The following UPB1 variants were observed in gnomAD, a reference collection of about 807,000 sequenced individuals.
UPB1 encodes the protein beta-ureidopropionase.
UPB1 carries 40 observed loss-of-function variants against 49.1 expected under a neutral mutation model. The ratio of observed to expected loss-of-function variants is 0.81; its 90% CI spans 0.63 to 1.06. The LOEUF (loss-of-function observed/expected upper bound fraction) is 1.06, where lower values mean the gene tolerates loss of function less well. Among genes scored for constraint, UPB1 ranks in the 50% least tolerant of loss-of-function variants. The pLI is 0.00. For missense variants in UPB1, 499 were observed against 505.9 expected, an observed-to-expected ratio of 0.99 and a Z score of 0.13; for synonymous variants, 207 against 198.2, an observed-to-expected ratio of 1.04 and a Z score of -0.38.
chr22:24,521,764 C>T (rs1055285425), intron 7 of UPB1, among the ~76,000 whole-genome samples: 4 of 152,164 alleles, frequency 2.6e-5, no homozygotes, highest in Non-Finnish European at 4.4e-5. Flanking sequence ...GTTTTTACCC[C>T]GCTTGTCAAA....
chr22:24,515,744 A>G (rs140333), intron 6 of UPB1, among the ~76,000 whole-genome samples: 91,724 of 151,998 alleles, frequency 0.6, 28,010 homozygotes, highest in African/African-American at 0.68. Flanking sequence ...GGGAGGCCGA[A>G]GCAGGTGGAT....
chr22:24,506,195 A>T (rs1317106897), intron 3 of UPB1, among the ~76,000 whole-genome samples: 2 of 149,910 alleles, frequency 1.3e-5, no homozygotes, highest in Non-Finnish European at 3.0e-5. Context: ...TAATTTTTGT[A>T]TTTTTAGTAG....
At chr22:24,516,246 A>G (rs1364317509) in intron 6 of UPB1, among the ~76,000 whole-genome samples, 2 of 152,060 alleles carry the variant, frequency 1.3e-5, no homozygotes, top group Non-Finnish European at 2.9e-5. Flanking sequence ...TGTTAGCCTC[A>G]CCCCTAAACA....
intron 9 of UPB1, 117 bp from the exon 10 acceptor site, chr22:24,525,594 C>G (rs1211207631): frequency 1.7e-6 from 2 of 1,202,748 alleles, no homozygotes; most frequent in Non-Finnish European, 2.5e-6. Context: ...TGTCAACGAG[C>G]CTTCCTGATG....
At chr22:24,495,850 C>T (rs1303709323) in intron 1 of UPB1, among the ~76,000 whole-genome samples, 1 of 151,584 alleles carries the variant, frequency 6.6e-6, no homozygotes, top group Non-Finnish European at 1.5e-5. Flanking sequence ...TCACTGTCTC[C>T]AACCAGAGCA....
In UPB1 at chr22:24,523,774, G is replaced by T. The variant is rs1389056727; in HGVS notation, c.1071+1G>T. ...GGTGAATGATGTCTGGAACTTCAAG[G>T]TAGGTCCCCAGGACCCCTGTTGTTG... On this transcript the variant is annotated splice_donor_variant, in intron 9 of 9. Transcript: ENST00000326010. LOFTEE classifies it high-confidence loss of function. The T allele has an allele frequency of 1.2e-6, 2 of 1,614,226 alleles. No individual in the cohort carries two copies. The highest frequency in any genetic ancestry group is 1.7e-5 in the Admixed American group (1 of 60,036).
At chr22:24,496,559 A>G (rs2043891575) in intron 1 of UPB1, among the ~76,000 whole-genome samples, 1 of 152,202 alleles carries the variant, frequency 6.6e-6, no homozygotes, top group African/African-American at 2.4e-5. Flanking sequence ...GGATGGAGAC[A>G]CAGCTCAACC....
rs543674109 is a variant in UPB1, at chr22:24,506,664, C to T, written c.365-4085C>T. Among the ~76,000 whole-genome samples the T allele has an allele frequency of 2.0e-4, 30 of 152,288 alleles. No individual in the cohort carries two copies. In the South Asian group the frequency reaches 5.8e-3, roughly 29 times the overall value. On this transcript the variant is annotated intron_variant, in intron 3 of 9. Coordinates refer to ENST00000326010, the MANE Select transcript of UPB1 (RefSeq NM_016327.3). ...TTTTCCTATTTTTGTTACCTTTGTACTCTCACTCTTCATTAGACTATGAGC... is the reference window on the plus strand; with the variant it reads ...TTTTCCTATTTTTGTTACCTTTGTATTCTCACTCTTCATTAGACTATGAGC...
intron 6 of UPB1, 95 bp downstream of exon 6, chr22:24,515,465 C>T: frequency 3.3e-6 from 5 of 1,537,760 alleles, no homozygotes; most frequent in East Asian, 2.3e-5. Flanking sequence ...AGCAGGCAGG[C>T]GCAGCCACCA....
intron 3 of UPB1, among the ~76,000 whole-genome samples, chr22:24,506,809 A>G (rs565948293): frequency 2.4e-4 from 36 of 152,298 alleles, no homozygotes; most frequent in African/African-American, 6.7e-4. Context: ...TTGGCTGGAT[A>G]GTTGAACTAA....
chr22:24,526,093 C>A lies in UPB1; in HGVS notation c.*299C>A, dbSNP rs1308369980. 2.5e-6 allele frequency: 1 copy of A among 401,828 alleles called. No individual in the cohort carries two copies. The highest frequency in any genetic ancestry group is 5.7e-5 in the East Asian group (1 of 17,644). 24.9% of individuals were successfully genotyped at this position (401,828 alleles called of 1,614,324 possible). ...TTTACCTCAACTAAAAAAAAAAATG[C>A]CCAGGTACTGCTTGTGCAGGTGGAT... On this transcript the variant is annotated 3_prime_UTR_variant, in exon 10 of 10. Transcript: ENST00000326010.
rs557460969 is a variant in UPB1 at position 24,526,807 on chromosome 22, T to C, written c.*1013T>C. On this transcript the variant is annotated 3_prime_UTR_variant, in exon 10 of 10. Coordinates refer to ENST00000326010, the MANE Select transcript of UPB1 (RefSeq NM_016327.3). ...CCATGGCATGGTGCAGCAATAGTTATTTATGTGCGAGACTAGCCATCAGCC... is the reference window on the plus strand; with the variant it reads ...CCATGGCATGGTGCAGCAATAGTTACTTATGTGCGAGACTAGCCATCAGCC... 42 of 152,256 alleles carry C rather than the reference T, an allele frequency of 2.8e-4. No individual in the cohort carries two copies. The highest frequency in any genetic ancestry group is 9.6e-4 in the African/African-American group (40 of 41,544). The allele number at this position is 152,256 out of a possible 1,614,324, so 9.4% of individuals were successfully genotyped here.
intron 9 of UPB1, among the ~76,000 whole-genome samples, 160 bp from the exon 10 acceptor site, chr22:24,525,551 G>A (rs1174736266): frequency 6.6e-6 from 1 of 152,222 alleles, no homozygotes; most frequent in Non-Finnish European, 1.5e-5. Context: ...TGTGAACTTT[G>A]CCACAGTACT....
At chr22:24,513,528 C>G in intron 5 of UPB1, 43 bp downstream of exon 5, 3 of 1,598,012 alleles carry the variant, frequency 1.9e-6, no homozygotes, top group Non-Finnish European at 2.6e-6. Context: ...GCTCACTTGC[C>G]CCTCTGTATG....
intron 8 of UPB1, among the ~76,000 whole-genome samples, chr22:24,522,412 G>A (rs2044410619): frequency 6.6e-6 from 1 of 152,182 alleles, no homozygotes; most frequent in Admixed American, 6.5e-5. Context: ...CAGCTGTACT[G>A]ATGCCACAGG....
At chr22:24,511,179 G>A (rs2044194135) in intron 4 of UPB1, among the ~76,000 whole-genome samples, 1 of 152,200 alleles carries the variant, frequency 6.6e-6, no homozygotes, top group African/African-American at 2.4e-5. Flanking sequence ...CTCATCCAGA[G>A]CTCTGCATGC....
intron 1 of UPB1, among the ~76,000 whole-genome samples, chr22:24,496,352 C>CAG (rs1297661089): frequency 6.7e-6 from 1 of 149,918 alleles, no homozygotes; most frequent in African/African-American, 2.5e-5. Flanking sequence ...GCCTGGGAGT[C>CAG]AGAGTGAGGC....
chr22:24,495,442 G>C lies in UPB1; in HGVS notation c.39G>C (p.Leu13Phe). Reference sequence around the variant, plus strand: ...AGTGGAAGTCGCTGGAGGAATGCTTGGAGAAGCACCTGCCGCTCCCCGACT... The same window carrying C: ...AGTGGAAGTCGCTGGAGGAATGCTTCGAGAAGCACCTGCCGCTCCCCGACT... ...GAEWKSLEEC[L>F]EKHLPLPDLQ... The change falls in exon 1 of 10, where the codon TTG becomes TTC. Residue 13 changes from leucine (L) to phenylalanine (F), a missense_variant. Coordinates refer to ENST00000326010, the MANE Select transcript of UPB1 (RefSeq NM_016327.3). 1 of 1,613,790 alleles carries C rather than the reference G, an allele frequency of 6.2e-7. No individual in the cohort carries two copies. The highest frequency in any genetic ancestry group is 2.2e-5 in the East Asian group (1 of 44,882).
intron 7 of UPB1, among the ~76,000 whole-genome samples, chr22:24,521,430 G>A (rs918370085): frequency 3.9e-5 from 6 of 152,088 alleles, no homozygotes; most frequent in African/African-American, 9.6e-5. Context: ...AGCCGCGGTC[G>A]CATCATTGCA....
Sources: allele counts gnomAD v4.1 joint callset (sites outside exome capture counted in the v4.1 genomes callset), GRCh38; gene constraint gnomAD v4.1.1; transcripts MANE v1.5; gene names NCBI Gene and HGNC (gene_info 2026-07-23, HGNC 2026-07-21).